The following MARK3 variants were observed in gnomAD, a reference collection of about 807,000 sequenced individuals.
The protein encoded by MARK3 is microtubule affinity regulating kinase 3, also known as MAP/microtubule affinity-regulating kinase 3.
A neutral mutation model predicts 90.1 loss-of-function variants in MARK3; 46 were observed. The ratio of observed to expected loss-of-function variants is 0.51; its 90% CI spans 0.40 to 0.65. MARK3 has a LOEUF of 0.65. Ranked by LOEUF, MARK3 falls within the 30% of genes least tolerant of loss-of-function variation. The pLI is 0.00. For missense variants in MARK3, 818 were observed against 947.2 expected, an observed-to-expected ratio of 0.86 and a Z score of 1.79; for synonymous variants, 321 against 332.6, an observed-to-expected ratio of 0.97 and a Z score of 0.38.
At chr14:103,403,518 T>C (rs1175558659) in intron 1 of MARK3, among the ~76,000 whole-genome samples, 1 of 152,206 alleles carries the variant, frequency 6.6e-6, no homozygotes, top group African/African-American at 2.4e-5. Flanking sequence ...AGTAGCAGTT[T>C]TGTACCAACT....
intron 16 of MARK3, 69 bp downstream of exon 16, chr14:103,498,597 G>T: frequency 7.8e-7 from 1 of 1,287,532 alleles, no homozygotes; most frequent in Non-Finnish European, 9.9e-7. Context: ...TTAACATTAG[G>T]TTTGGCTTTC....
At chr14:103,407,279 A>G (rs2091357387) in intron 2 of MARK3, among the ~76,000 whole-genome samples, 1 of 152,216 alleles carries the variant, frequency 6.6e-6, no homozygotes, top group Non-Finnish European at 1.5e-5. Context: ...CTTTAACTTC[A>G]GGTATACACT....
In MARK3 at chr14:103,500,163, A is replaced by G. The variant is rs376242259; in HGVS notation, c.1879A>G (p.Thr627Ala). Reference sequence around the variant, plus strand: ...TACATTCTGTTCATTGAGGCTTCCAACTGAATATGAGAGGAACGGGAGATA... The same window carrying G: ...TACATTCTGTTCATTGAGGCTTCCAGCTGAATATGAGAGGAACGGGAGATA... ...MSFRFIKRLP[T>A]EYERNGRYEG... is the part of the protein sequence containing the mutation. The change falls in exon 17 of 18, where the codon ACT (threonine) becomes GCT (alanine). Residue 627 changes from threonine to alanine, a missense_variant. Around this residue, in one of 3 missense-constraint regions of MARK3, gnomAD observed 560 missense variants for 613.5 expected, o/e 0.91. Transcript: ENST00000429436. 8.9e-5 allele frequency: 143 copies of G among 1,612,322 alleles called. No homozygotes were observed. Among genetic ancestry groups the G allele is most frequent in the Non-Finnish European group, 1.1e-4 (135 of 1,178,964 alleles).
intron 3 of MARK3, among the ~76,000 whole-genome samples, chr14:103,434,270 T>C (rs1203402757): frequency 6.6e-6 from 1 of 152,184 alleles, no homozygotes; most frequent in African/African-American, 2.4e-5. Flanking sequence ...AACCAAGTTG[T>C]CCGCTCTACC....
At chr14:103,487,326 A>G (rs894555757) in intron 14 of MARK3, among the ~76,000 whole-genome samples, 1 of 151,672 alleles carries the variant, frequency 6.6e-6, no homozygotes, top group Non-Finnish European at 1.5e-5. Context: ...TATCTCTACA[A>G]AATTTTTTTT....
At chr14:103,427,419 A>G (rs898961834) in intron 2 of MARK3, among the ~76,000 whole-genome samples, 2 of 146,876 alleles carry the variant, frequency 1.4e-5, no homozygotes, top group Non-Finnish European at 3.0e-5. Context: ...GAAACTATGA[A>G]AACTTGGGAG....
chr14:103,424,281 C>T (rs1046688646), intron 2 of MARK3, among the ~76,000 whole-genome samples: 1 of 151,846 alleles, frequency 6.6e-6, no homozygotes, highest in South Asian at 2.1e-4. Context: ...GCCTGTAATC[C>T]TAGCACTTCG....
chr14:103,457,121 T>A (rs1434472824), intron 5 of MARK3, 21 bp from the exon 6 acceptor site: 2 of 1,502,444 alleles, frequency 1.3e-6, no homozygotes, highest in East Asian at 4.5e-5. Context: ...TTCTACTTAC[T>A]TTTATTTCTC....
chr14:103,494,892 C>G (rs549632432), intron 15 of MARK3, among the ~76,000 whole-genome samples: 1 of 152,070 alleles, frequency 6.6e-6, no homozygotes, highest in South Asian at 2.1e-4. Flanking sequence ...CGCGCCCAGC[C>G]AAAGCTACCA....
chr14:103,403,275 A>G (rs2140642433), intron 1 of MARK3, among the ~76,000 whole-genome samples: 1 of 151,700 alleles, frequency 6.6e-6, no homozygotes, highest in Admixed American at 6.6e-5. Flanking sequence ...CCTCATGGGG[A>G]TATGGACTGC....
chr14:103,393,379 G>A (rs2090388559), intron 1 of MARK3, among the ~76,000 whole-genome samples: 1 of 152,150 alleles, frequency 6.6e-6, no homozygotes, highest in African/African-American at 2.4e-5. Context: ...CAGCTACTCA[G>A]GAGGCTAAGG....
At chr14:103,455,285 CTTGTT>C (rs990868745) in intron 5 of MARK3, among the ~76,000 whole-genome samples, 4 of 152,188 alleles carry the variant, frequency 2.6e-5, no homozygotes, top group African/African-American at 9.6e-5. Context: ...TTATTAACCA[CTTGTT>C]TTGACATTGT....
intron 15 of MARK3, among the ~76,000 whole-genome samples, 178 bp from the exon 16 acceptor site, chr14:103,498,324 T>C (rs1267910165): frequency 6.6e-6 from 1 of 152,190 alleles, no homozygotes; most frequent in East Asian, 1.9e-4. Flanking sequence ...ACATACTCAT[T>C]TAATTACCTG....
At chr14:103,425,399 AT>A (rs1172941374) in intron 2 of MARK3, among the ~76,000 whole-genome samples, 1 of 151,192 alleles carries the variant, frequency 6.6e-6, no homozygotes, top group East Asian at 2.0e-4. Context: ...AGCTGGTGGG[AT>A]TATAGGCATC....
intron 2 of MARK3, among the ~76,000 whole-genome samples, chr14:103,415,637 C>T (rs951482292): frequency 1.3e-5 from 2 of 151,484 alleles, no homozygotes; most frequent in African/African-American, 4.9e-5. Context: ...TTATTTTCCC[C>T]CCACTAATTT....
At chr14:103,452,076 C>A in intron 5 of MARK3, 93 bp downstream of exon 5, 1 of 814,674 alleles carries the variant, frequency 1.2e-6, no homozygotes, top group Non-Finnish European at 2.0e-6. Flanking sequence ...TCATTAAGGT[C>A]TCATTTAACG....
At position 103,448,902 on chromosome 14, in the gene MARK3, T is replaced by C; in HGVS notation, c.298-17T>C. The C allele has an allele frequency of 6.4e-7, 1 of 1,551,960 alleles. No individual in the cohort carries two copies. Among genetic ancestry groups the C allele is most frequent in the Non-Finnish European group, 8.7e-7 (1 of 1,145,438 alleles). On this transcript the variant is annotated splice_polypyrimidine_tract_variant and intron_variant, in intron 3 of 17. Transcript: ENST00000429436. ...TGTGTTGGGGGGATTATGTGTTTTG[T>C]TTGTTTTTTTTTTTAGCTCTTCAGA... is the stretch of plus-strand genomic sequence containing the variant.
Position 103,503,103 on chromosome 14 carries a change from G to A in MARK3, c.2138G>A (p.Trp713Ter). ...GGGCACGCGGAGAACCTCGTGCAGT[G>A]GGAAATGGAAGTGTGCAAGCTGCCA... is the stretch of plus-strand genomic sequence containing the variant. ...GDGHAENLVQ[W>*]EMEVCKLPRL... The change falls in exon 18 of 18, where the codon TGG becomes TAG. Residue 713 changes from tryptophan to a stop codon, truncating the protein, a stop_gained. Coordinates refer to ENST00000429436, the MANE Select transcript of MARK3 (RefSeq NM_001128918.3). LOFTEE classifies it high-confidence loss of function. The A allele has an allele frequency of 6.2e-7, 1 of 1,614,218 alleles. No homozygotes were observed. Among genetic ancestry groups the A allele is most frequent in the Non-Finnish European group, 8.5e-7 (1 of 1,180,054 alleles).
chr14:103,494,173 G>A lies in MARK3; in HGVS notation c.1844+2139G>A, dbSNP rs561538660. ...CGCTTGAACCTGGGAGGCGGAGGTT[G>A]CATCTAGCCAAGATCGCGCCGCTGC... On this transcript the variant is annotated intron_variant, in intron 15 of 17. Transcript: ENST00000429436. Among the ~76,000 whole-genome samples, 10 of 148,324 alleles carry A rather than the reference G, an allele frequency of 6.7e-5. No homozygotes were observed. In the East Asian group the frequency reaches 2.0e-3, roughly 29 times the overall value.
Sources: allele counts gnomAD v4.1 joint callset (sites outside exome capture counted in the v4.1 genomes callset), GRCh38; gene constraint gnomAD v4.1.1; regional missense constraint gnomAD v4.1.1; transcripts MANE v1.5; gene names NCBI Gene and HGNC (gene_info 2026-07-23, HGNC 2026-07-21).